PTPRT: variants seen among roughly 807,000 people sequenced by gnomAD.
PTPRT encodes protein tyrosine phosphatase receptor type T.
PTPRT carries 56 observed loss-of-function variants against 176.8 expected under a neutral mutation model. The observed-to-expected ratio is 0.32, with a 90% CI of 0.26 to 0.40. PTPRT has a LOEUF of 0.40. Ranked by LOEUF, PTPRT falls within the 10% of genes least tolerant of loss-of-function variation. The probability of loss-of-function intolerance (pLI) is 1.00; values close to 1 mark genes in which losing one functional copy is unlikely to be tolerated. For synonymous variants in PTPRT, 783 were observed against 739.0 expected (o/e 1.06, Z -0.96); for missense variants, 1,540 against 1,908.2 (o/e 0.81, Z 3.60).
At chr20:42,879,273 G>A (rs185447188) in intron 2 of PTPRT, among the ~76,000 whole-genome samples, 4 of 152,236 alleles carry the variant, frequency 2.6e-5, no homozygotes, top group East Asian at 3.9e-4. Flanking sequence ...GCAGGGCCAC[G>A]TTGTCTCCAA....
chr20:42,930,449 C>A (rs1979764828), intron 1 of PTPRT, among the ~76,000 whole-genome samples: 1 of 152,126 alleles, frequency 6.6e-6, no homozygotes, highest in African/African-American at 2.4e-5. Flanking sequence ...CCCTTGTGCA[C>A]AATTCCCTTT....
At chr20:42,512,190 T>C (rs886169066) in intron 7 of PTPRT, among the ~76,000 whole-genome samples, 6 of 152,180 alleles carry the variant, frequency 3.9e-5, no homozygotes, top group Non-Finnish European at 7.4e-5. Context: ...TTAATACATA[T>C]ATAGATTTCA....
intron 1 of PTPRT, among the ~76,000 whole-genome samples, chr20:43,125,151 A>G (rs1269201887): frequency 7.2e-6 from 1 of 138,868 alleles, no homozygotes; most frequent in African/African-American, 2.7e-5. Flanking sequence ...ATGTGCCGCC[A>G]CACCTAGCTG....
At chr20:43,122,771 G>C (rs1342907689) in intron 1 of PTPRT, among the ~76,000 whole-genome samples, 1 of 152,160 alleles carries the variant, frequency 6.6e-6, no homozygotes, top group Non-Finnish European at 1.5e-5. Context: ...CATGCTTCCT[G>C]TACAGCCTGT....
chr20:42,715,792 A>G (rs1270485829), intron 6 of PTPRT, among the ~76,000 whole-genome samples: 1 of 152,214 alleles, frequency 6.6e-6, no homozygotes, highest in Non-Finnish European at 1.5e-5. Context: ...TGCTCTACAG[A>G]CTTAGCGTAA....
At chr20:42,853,505 G>C (rs977709413) in intron 2 of PTPRT, among the ~76,000 whole-genome samples, 15 of 152,288 alleles carry the variant, frequency 9.8e-5, no homozygotes, top group Admixed American at 9.2e-4. Context: ...CTGGAAGTCT[G>C]ATAGCCCAAC....
chr20:42,962,512 G>GAATA (rs1982046186), intron 1 of PTPRT, among the ~76,000 whole-genome samples: 1 of 151,670 alleles, frequency 6.6e-6, no homozygotes, highest in South Asian at 2.1e-4. Flanking sequence ...TAAACATCCT[G>GAATA]AATAACATTT....
intron 7 of PTPRT, among the ~76,000 whole-genome samples, chr20:42,612,035 G>T (rs565171351): frequency 1.3e-5 from 2 of 152,054 alleles, no homozygotes; most frequent in African/African-American, 4.8e-5. Flanking sequence ...GCCCTTGGTC[G>T]TGAGTTGCAT....
intron 1 of PTPRT, among the ~76,000 whole-genome samples, chr20:43,073,682 T>C (rs1289007386): frequency 9.2e-5 from 14 of 151,870 alleles, no homozygotes; most frequent in Non-Finnish European, 1.3e-4. Context: ...ATTACCACTT[T>C]ATTCAAAGGT....
intron 7 of PTPRT, among the ~76,000 whole-genome samples, chr20:42,589,677 T>C (rs1179327918): frequency 6.6e-6 from 1 of 152,110 alleles, no homozygotes; most frequent in Non-Finnish European, 1.5e-5. Context: ...AAAACTTTCC[T>C]AGGAGCCTTG....
chr20:42,770,208 C>T (rs528122866), intron 5 of PTPRT, among the ~76,000 whole-genome samples: 5 of 152,222 alleles, frequency 3.3e-5, no homozygotes, highest in South Asian at 4.2e-4. Context: ...CTGCAACCTC[C>T]GCCTCCTGGG....
intron 27 of PTPRT, among the ~76,000 whole-genome samples, chr20:42,096,452 A>G (rs961075083): frequency 2.0e-5 from 3 of 152,080 alleles, no homozygotes; most frequent in African/African-American, 7.2e-5. Flanking sequence ...AAAATACAAA[A>G]ATTAGTCGGG....
intron 7 of PTPRT, among the ~76,000 whole-genome samples, chr20:42,569,047 C>CAAAAAAA (rs869193461): frequency 9.8e-5 from 2 of 20,446 alleles, no homozygotes; most frequent in Non-Finnish European, 1.7e-4. Flanking sequence ...GACTCCATCT[C>CAAAAAAA]AAAAAAAAAA....
chr20:43,113,568 C>T (rs1342325668), intron 1 of PTPRT, among the ~76,000 whole-genome samples: 1 of 152,138 alleles, frequency 6.6e-6, no homozygotes, highest in Non-Finnish European at 1.5e-5. Context: ...CCTACATGGC[C>T]AAGACAGTGC....
intron 1 of PTPRT, among the ~76,000 whole-genome samples, chr20:42,913,537 T>A (rs988291220): frequency 2.6e-5 from 4 of 152,174 alleles, no homozygotes; most frequent in Non-Finnish European, 2.9e-5. Flanking sequence ...GTTGATTAAA[T>A]CTTCAAAGAC....
intron 1 of PTPRT, among the ~76,000 whole-genome samples, chr20:42,961,479 T>A (rs1981980225): frequency 6.6e-6 from 1 of 152,216 alleles, no homozygotes; most frequent in African/African-American, 2.4e-5. Flanking sequence ...TACATTTCAC[T>A]GGAAGGAAGT....
At chr20:43,056,524 T>G (rs1987240129) in intron 1 of PTPRT, among the ~76,000 whole-genome samples, 1 of 152,202 alleles carries the variant, frequency 6.6e-6, no homozygotes, top group Non-Finnish European at 1.5e-5. Flanking sequence ...GAACAAAGTC[T>G]TTTAAGATGA....
At chr20:43,074,998 T>C (rs1459717987) in intron 1 of PTPRT, among the ~76,000 whole-genome samples, 1 of 152,190 alleles carries the variant, frequency 6.6e-6, no homozygotes, top group Non-Finnish European at 1.5e-5. Context: ...CCCAGAGCTT[T>C]TGCATAGGCT....
chr20:42,736,539 A>G (rs763130426), intron 6 of PTPRT, among the ~76,000 whole-genome samples: 2 of 152,240 alleles, frequency 1.3e-5, no homozygotes, highest in Non-Finnish European at 2.9e-5. Flanking sequence ...CGTGGAACCC[A>G]TAACCTAATG....
Sources: gnomAD v4.1 joint callset for allele counts (sites outside exome capture counted in the v4.1 genomes callset) on GRCh38, gnomAD v4.1.1 for gene constraint, MANE v1.5 for transcripts, NCBI Gene and HGNC (gene_info 2026-07-23, HGNC 2026-07-21) for gene names.